MTREX: variants seen among roughly 807,000 people sequenced by gnomAD.
The protein encoded by MTREX is exosome RNA helicase MTR4.
A neutral mutation model predicts 135.4 loss-of-function variants in MTREX; 76 were observed. The ratio of observed to expected loss-of-function variants is 0.56; its 90% CI spans 0.47 to 0.68. The LOEUF (loss-of-function observed/expected upper bound fraction) is 0.68. Among genes scored for constraint, MTREX ranks in the 30% least tolerant of loss-of-function variants. MTREX has a pLI of 0.00. For missense variants in MTREX, 920 were observed against 1,262.1 expected (o/e 0.73, Z 4.11); for synonymous variants, 404 against 401.6 (o/e 1.01, Z -0.07).
At chr5:55,400,527 A>C in intron 21 of MTREX, 106 bp downstream of exon 21, 1 of 669,442 alleles carries the variant, frequency 1.5e-6, no homozygotes, top group Non-Finnish European at 2.4e-6. Context: ...AAAACAGGAA[A>C]ATGTGAGCTA....
intron 1 of MTREX, among the ~76,000 whole-genome samples, chr5:55,316,063 A>C (rs1561183716): frequency 6.6e-6 from 1 of 152,134 alleles, no homozygotes; most frequent in Non-Finnish European, 1.5e-5. Context: ...TTGGACACAT[A>C]CACCCTCCCA....
intron 16 of MTREX, among the ~76,000 whole-genome samples, chr5:55,371,211 A>T (rs987954618): frequency 6.6e-6 from 1 of 152,194 alleles, no homozygotes; most frequent in Non-Finnish European, 1.5e-5. Flanking sequence ...TTCAAGTTCT[A>T]AGAATTAAAT....
chr5:55,423,132 G>T, intron 26 of MTREX, 150 bp downstream of exon 26: 1 of 616,118 alleles, frequency 1.6e-6, no homozygotes, highest in Middle Eastern at 4.0e-4. Context: ...ATAAAATTTA[G>T]TGTGTTGGGG....
intron 22 of MTREX, among the ~76,000 whole-genome samples, chr5:55,406,186 A>G (rs1750802537): frequency 1.3e-5 from 2 of 152,242 alleles, no homozygotes; most frequent in African/African-American, 4.8e-5. Flanking sequence ...TAAATTATTT[A>G]CAACATCAAC....
At chr5:55,329,722 T>G (rs770394573) in intron 5 of MTREX, among the ~76,000 whole-genome samples, 37 of 152,204 alleles carry the variant, frequency 2.4e-4, no homozygotes, top group Non-Finnish European at 4.6e-4. Flanking sequence ...TTGCATAGTT[T>G]ATGACAAGAA....
chr5:55,353,362 C>A, intron 14 of MTREX, 93 bp downstream of exon 14: 1 of 739,072 alleles, frequency 1.4e-6, no homozygotes, highest in Non-Finnish European at 2.2e-6. Flanking sequence ...TAAGTCCCAC[C>A]TACTTAAGAA....
intron 1 of MTREX, among the ~76,000 whole-genome samples, chr5:55,319,361 T>TACTA (rs1438317114): frequency 2.0e-5 from 3 of 152,262 alleles, no homozygotes; most frequent in African/African-American, 7.2e-5. Context: ...ATGTAATATG[T>TACTA]ACTAGTCTTT....
Position 55,324,217 on chromosome 5 carries a change from C to G in MTREX, c.339+19C>G. 1 of 1,579,240 alleles carries G rather than the reference C, an allele frequency of 6.3e-7. No homozygotes were observed. Among genetic ancestry groups the G allele is most frequent in the Non-Finnish European group, 8.7e-7 (1 of 1,153,082 alleles). On this transcript the variant is annotated intron_variant, in intron 3 of 26. Transcript: ENST00000230640. ...ACATGAGGTAAGCACAAACAGCATA[C>G]AGAAGGTTAGTGTTACAAATGGGAT...
chr5:55,336,820 G>T (rs894591995), intron 5 of MTREX, among the ~76,000 whole-genome samples: 1 of 152,028 alleles, frequency 6.6e-6, no homozygotes, highest in African/African-American at 2.4e-5. Flanking sequence ...CGTGTGTAGA[G>T]AGCTGACTCT....
At chr5:55,389,804 A>G (rs1750536900) in intron 19 of MTREX, among the ~76,000 whole-genome samples, 1 of 152,020 alleles carries the variant, frequency 6.6e-6, no homozygotes, top group Non-Finnish European at 1.5e-5. Flanking sequence ...GAGGGACTAT[A>G]GGTTAAGAAA....
In MTREX at chr5:55,341,786, G is replaced by T. The variant is rs761828354; in HGVS notation, c.781+15G>T. On this transcript the variant is annotated intron_variant, in intron 7 of 26. Coordinates refer to ENST00000230640, the MANE Select transcript of MTREX (RefSeq NM_015360.5). ...GAGAGATTCAGGTATATTCAGTGTT[G>T]AAATGTATATCATGTATTTCCCTTC... 3.3e-6 allele frequency: 4 copies of T among 1,216,932 alleles called. No individual in the cohort carries two copies. The South Asian group carries it at 5.4e-5, about 16-fold the overall frequency. 75.4% of individuals were successfully genotyped at this position (1,216,932 alleles called of 1,614,324 possible). A position where few individuals can be genotyped will look rare whatever the true frequency, so the allele number is the denominator to read the frequency against.
At position 55,379,167 on chromosome 5, in the gene MTREX, T is replaced by C. The variant is rs756720151; in HGVS notation, c.2024T>C (p.Val675Ala). The C allele has an allele frequency of 6.2e-7, 1 of 1,608,318 alleles. No individual in the cohort carries two copies. The highest frequency in any genetic ancestry group is 8.5e-7 in the Non-Finnish European group (1 of 1,176,370). ...GATGACTTTGGCTGGGGAGTAGTGG[T>C]GAATTTCTCAAAAAAGTCAAATGTT... The part of the protein sequence containing the change: ...EGDDFGWGVV[V>A]NFSKKSNVKP... The change falls in exon 18 of 27, where the codon GTG becomes GCG. Residue 675 changes from valine (V) to alanine (A), a missense_variant. Physicochemically the swap from Val to Ala is moderately conservative, Grantham distance 64 (BLOSUM62 0). Transcript: ENST00000230640.
At chr5:55,347,170 T>A (rs912502432) in intron 11 of MTREX, 26 bp downstream of exon 11, 13 of 1,570,174 alleles carry the variant, frequency 8.3e-6, no homozygotes, top group African/African-American at 1.4e-5. Flanking sequence ...AGTATCATTT[T>A]AATGTTATGT....
At chr5:55,369,636 C>G (rs1750162710) in intron 16 of MTREX, among the ~76,000 whole-genome samples, 1 of 152,150 alleles carries the variant, frequency 6.6e-6, no homozygotes, top group Non-Finnish European at 1.5e-5. Context: ...ACTGCTCACT[C>G]AATGAACTTA....
At position 55,378,327 on chromosome 5, in the gene MTREX, A is replaced by G. The variant is rs746640156; in HGVS notation, c.1824A>G (p.Ser608=). ...TTCTATTTACAGAGGTAAAGAATTC[A>G]GAAGAACAGTATAATAAAATAGTAA... ...IPGVVEKVKN[S]EEQYNKIVIP... is the part of the protein sequence containing the mutation. Residue 608 remains serine (S), a synonymous_variant, in exon 17 of 27, where the codon TCA becomes TCG. Coordinates refer to ENST00000230640, the MANE Select transcript of MTREX (RefSeq NM_015360.5). The G allele has an allele frequency of 4.4e-6, 7 of 1,595,222 alleles. No homozygotes were observed. Among genetic ancestry groups the G allele is most frequent in the Non-Finnish European group, 5.1e-6 (6 of 1,174,608 alleles).
intron 16 of MTREX, among the ~76,000 whole-genome samples, chr5:55,368,247 G>C (rs1230628367): frequency 6.6e-6 from 1 of 152,036 alleles, no homozygotes. Context: ...TCAGGAGTTC[G>C]AGGCCAGCCT....
chr5:55,373,015 T>C (rs1338689841), intron 16 of MTREX, among the ~76,000 whole-genome samples: 1 of 151,796 alleles, frequency 6.6e-6, no homozygotes, highest in Non-Finnish European at 1.5e-5. Flanking sequence ...GTTGGGGCAC[T>C]TTAGGCCTTA....
chr5:55,390,201 C>A (rs1268631792), intron 19 of MTREX, among the ~76,000 whole-genome samples: 2 of 152,138 alleles, frequency 1.3e-5, no homozygotes, highest in African/African-American at 4.8e-5. Flanking sequence ...CTCCTGGGTC[C>A]AAGTGATTCT....
intron 6 of MTREX, 82 bp from the exon 7 acceptor site, chr5:55,341,599 T>A (rs148403488): frequency 8.0e-6 from 5 of 625,444 alleles, no homozygotes; most frequent in Non-Finnish European, 1.4e-5. Flanking sequence ...CCAAAATTCC[T>A]TGTTGGAAAA....
Sources: gnomAD v4.1 joint callset for allele counts (sites outside exome capture counted in the v4.1 genomes callset) on GRCh38, gnomAD v4.1.1 for gene constraint, MANE v1.5 for transcripts, NCBI Gene and HGNC (gene_info 2026-07-23, HGNC 2026-07-21) for gene names.